Variants in CSMD1 observed in about 807,000 individuals in gnomAD.
The protein encoded by CSMD1 is CUB and Sushi multiple domains 1.
CSMD1 carries 213 observed loss-of-function variants against 417.5 expected under a neutral mutation model. The observed-to-expected ratio is 0.51, with a 90% CI of 0.46 to 0.57. The LOEUF is 0.57. Ranked by LOEUF, CSMD1 falls within the 20% of genes least tolerant of loss-of-function variation. The pLI, the probability that CSMD1 is intolerant of heterozygous loss-of-function variation, is 0.00. For synonymous variants in CSMD1, 2,862 were observed against 1,736.8 expected (o/e 1.65, Z -16.11); for missense variants, 6,923 against 4,529.7 (o/e 1.53, Z -15.17).
chr8:4,824,136 G>A (rs1260057834), intron 1 of CSMD1, among the ~76,000 whole-genome samples: 1 of 150,922 alleles, frequency 6.6e-6, no homozygotes, highest in Non-Finnish European at 1.5e-5. Context: ...GTACATGTAA[G>A]GAAATGGGGA....
In CSMD1 at chr8:3,599,615, T is replaced by C. The variant is rs75722902; in HGVS notation, c.1098-13355A>G. 9.5e-3 allele frequency among the ~76,000 whole-genome samples: 1,450 copies of C among 152,336 alleles called. 30 individuals are homozygous for C. The highest frequency in any genetic ancestry group is 0.034 in the African/African-American group (1,393 of 41,574). The stretch of plus-strand genomic sequence containing the variant: ...ACAGCATTGTTAATTAACCACTTCA[T>C]GCTATACATCAGATCCCTAGGTTTA... On this transcript the variant is annotated intron_variant, in intron 8 of 69. Transcript: ENST00000635120.
chr8:3,931,520 T>G (rs1023462420), intron 5 of CSMD1, among the ~76,000 whole-genome samples: 1 of 150,172 alleles, frequency 6.7e-6, no homozygotes, highest in East Asian at 2.0e-4. Context: ...TCCAATTTCA[T>G]TGAATTACAG....
chr8:3,670,269 G>A (rs552148173), intron 7 of CSMD1, among the ~76,000 whole-genome samples: 1 of 152,058 alleles, frequency 6.6e-6, no homozygotes, highest in East Asian at 1.9e-4. Context: ...GACTGGCCTA[G>A]CCTCCCAGCC....
chr8:3,905,998 G>A (rs561798915), intron 5 of CSMD1, among the ~76,000 whole-genome samples: 1 of 152,150 alleles, frequency 6.6e-6, no homozygotes, highest in South Asian at 2.1e-4. Context: ...ATGGTTGTTA[G>A]GCCTGGAGTT....
intron 5 of CSMD1, among the ~76,000 whole-genome samples, chr8:3,859,903 T>C (rs1804577791): frequency 6.6e-6 from 1 of 152,218 alleles, no homozygotes; most frequent in Non-Finnish European, 1.5e-5. Context: ...TATATTCTTC[T>C]TCTGTAATAA....
intron 3 of CSMD1, among the ~76,000 whole-genome samples, chr8:4,378,095 A>G (rs1802870515): frequency 6.6e-6 from 1 of 152,244 alleles, no homozygotes; most frequent in Non-Finnish European, 1.5e-5. Context: ...AAGTAGATGC[A>G]AAACACAGAA....
At chr8:4,956,992 T>C (rs960508724) in intron 1 of CSMD1, among the ~76,000 whole-genome samples, 7 of 152,242 alleles carry the variant, frequency 4.6e-5, no homozygotes, top group Non-Finnish European at 7.3e-5. Context: ...TTCTTGTGTC[T>C]GCTGAAGCAG....
intron 1 of CSMD1, among the ~76,000 whole-genome samples, chr8:4,955,157 C>T (rs1404426675): frequency 2.0e-5 from 3 of 152,092 alleles, no homozygotes; most frequent in African/African-American, 4.8e-5. Context: ...ATATCAGAAA[C>T]CCTCTGAGTG....
intron 3 of CSMD1, among the ~76,000 whole-genome samples, chr8:4,218,568 T>C (rs1800830017): frequency 1.3e-5 from 2 of 152,210 alleles, no homozygotes; most frequent in Admixed American, 1.3e-4. Flanking sequence ...GTTGTCTATG[T>C]TCTCTGTAAT....
chr8:4,500,031 G>C (rs1220986018), intron 2 of CSMD1, among the ~76,000 whole-genome samples: 1 of 152,048 alleles, frequency 6.6e-6, no homozygotes, highest in Non-Finnish European at 1.5e-5. Flanking sequence ...GAAGTTGTAG[G>C]AGGTGAAAAG....
At chr8:3,579,539 A>G (rs1217891655) in intron 9 of CSMD1, among the ~76,000 whole-genome samples, 1 of 152,130 alleles carries the variant, frequency 6.6e-6, no homozygotes, top group Non-Finnish European at 1.5e-5. Flanking sequence ...TATTTCTCAT[A>G]TGTTTTTAGG....
rs117950332 is a variant in CSMD1 at position 3,693,972 on chromosome 8, G to A, written c.1009+14442C>T. ...TTGGATATAGGGGTGTGTGTGTGTT[G>A]GGTATGTGTGTTGTTAGTGTGTGTG... On this transcript the variant is annotated intron_variant, in intron 7 of 69. Coordinates refer to ENST00000635120, the MANE Select transcript of CSMD1 (RefSeq NM_033225.6). 1.5e-4 allele frequency among the ~76,000 whole-genome samples: 22 copies of A among 151,294 alleles called. No homozygotes were observed. The East Asian group carries it at 4.1e-3, about 28-fold the overall frequency.
chr8:4,428,773 G>A (rs1797705092), intron 2 of CSMD1, among the ~76,000 whole-genome samples: 1 of 152,122 alleles, frequency 6.6e-6, no homozygotes, highest in Admixed American at 6.6e-5. Flanking sequence ...AGGCTGGAGT[G>A]CAGTGGCGTG....
In CSMD1 at chr8:3,303,950, TTATAATAACTATTTTGGGGTATTC is replaced by T. The variant is rs1804611588; in HGVS notation, c.3950+3721_3950+3744del. Among the ~76,000 whole-genome samples, 6 of 75,172 alleles carry T rather than the reference TTATAATAACTATTTTGGGGTATTC, an allele frequency of 8.0e-5. No individual in the cohort carries two copies. The South Asian group carries it at 1.8e-3, about 23-fold the overall frequency. 49.3% of individuals were successfully genotyped at this position (75,172 alleles called of 152,430 possible). Reference sequence around the variant, plus strand: ...AACTATTTTGGGGTATTGCGCCCCATTATAATAACTATTTTGGGGTATTCGATTACCTCAAACAAAGAGGAATAG... The same window carrying T: ...AACTATTTTGGGGTATTGCGCCCCATGATTACCTCAAACAAAGAGGAATAG... On this transcript the variant is annotated intron_variant, in intron 25 of 69. Coordinates refer to ENST00000635120, the MANE Select transcript of CSMD1 (RefSeq NM_033225.6).
intron 2 of CSMD1, among the ~76,000 whole-genome samples, chr8:4,594,575 G>A (rs568096332): frequency 6.6e-6 from 1 of 152,148 alleles, no homozygotes; most frequent in Admixed American, 6.5e-5. Flanking sequence ...CGTTTTTTTG[G>A]AGGGGGGCAC....
chr8:3,852,766 T>A (rs189439100), intron 5 of CSMD1, among the ~76,000 whole-genome samples: 1 of 152,068 alleles, frequency 6.6e-6, no homozygotes, highest in Admixed American at 6.5e-5. Context: ...CACAGGTTTG[T>A]AGGATCCATT....
At chr8:4,086,568 T>C (rs983081036) in intron 3 of CSMD1, among the ~76,000 whole-genome samples, 2 of 152,208 alleles carry the variant, frequency 1.3e-5, no homozygotes, top group Admixed American at 1.3e-4. Context: ...CAGAGTTACA[T>C]CCAATCTCCT....
At chr8:4,117,626 T>G (rs1331422943) in intron 3 of CSMD1, among the ~76,000 whole-genome samples, 1 of 152,188 alleles carries the variant, frequency 6.6e-6, no homozygotes, top group Non-Finnish European at 1.5e-5. Flanking sequence ...AGAAAAGGTG[T>G]GTTAAAACGC....
intron 3 of CSMD1, among the ~76,000 whole-genome samples, chr8:4,224,715 C>A (rs1004962783): frequency 1.3e-5 from 2 of 152,190 alleles, no homozygotes; most frequent in African/African-American, 4.8e-5. Context: ...AATATAGCTT[C>A]TTTTTTCCTC....
Sources: allele counts gnomAD v4.1 joint callset (sites outside exome capture counted in the v4.1 genomes callset), GRCh38; gene constraint gnomAD v4.1.1; transcripts MANE v1.5; gene names NCBI Gene and HGNC (gene_info 2026-07-23, HGNC 2026-07-21).